Variants in PGM5 observed in about 807,000 individuals in gnomAD.
PGM5 encodes phosphoglucomutase 5.
A neutral mutation model predicts 59.2 loss-of-function variants in PGM5; 23 were observed. The ratio of observed to expected loss-of-function variants is 0.39; its 90% confidence interval spans 0.28 to 0.55. The LOEUF is 0.55. Ranked by LOEUF, PGM5 falls within the 20% of genes least tolerant of loss-of-function variation. The pLI is 0.66. For missense variants in PGM5, 574 were observed against 748.3 expected, an observed-to-expected ratio of 0.77 and a Z score of 2.72; for synonymous variants, 214 against 286.0, an observed-to-expected ratio of 0.75 and a Z score of 2.54.
intron 6 of PGM5, among the ~76,000 whole-genome samples, chr9:68,449,882 A>G (rs1823668589): frequency 6.6e-6 from 1 of 152,206 alleles, no homozygotes; most frequent in African/African-American, 2.4e-5. Flanking sequence ...CCAGTCTGTC[A>G]GATTTTAAAT....
chr9:68,365,540 A>G (rs1554676604), intron 1 of PGM5, among the ~76,000 whole-genome samples: 1 of 152,204 alleles, frequency 6.6e-6, no homozygotes, highest in Non-Finnish European at 1.5e-5. Context: ...ATTTTTAGTA[A>G]CATCAACTTT....
chr9:68,451,587 A>C (rs1480399004), intron 6 of PGM5, among the ~76,000 whole-genome samples: 1 of 152,210 alleles, frequency 6.6e-6, no homozygotes, highest in Non-Finnish European at 1.5e-5. Context: ...GTTTACCACC[A>C]CCGAATGCTT....
intron 10 of PGM5, among the ~76,000 whole-genome samples, chr9:68,500,030 G>A (rs1824545881): frequency 6.6e-6 from 1 of 152,014 alleles, no homozygotes; most frequent in Admixed American, 6.6e-5. Context: ...TTTAATGTTG[G>A]GTACTTCAAG....
chr9:68,410,761 A>G (rs1418925078), intron 6 of PGM5, among the ~76,000 whole-genome samples: 3 of 152,212 alleles, frequency 2.0e-5, no homozygotes, highest in Non-Finnish European at 4.4e-5. Flanking sequence ...AAGATTGGGA[A>G]CAAGGTTTTT....
intron 10 of PGM5, among the ~76,000 whole-genome samples, chr9:68,503,439 T>G (rs1824609312): frequency 6.6e-6 from 1 of 152,350 alleles, no homozygotes; most frequent in South Asian, 2.1e-4. Flanking sequence ...AAAATCGGTG[T>G]ATGGGGACTC....
At chr9:68,488,714 CTGTT>C (rs1176877606) in intron 9 of PGM5, among the ~76,000 whole-genome samples, 1 of 152,140 alleles carries the variant, frequency 6.6e-6, no homozygotes, top group African/African-American at 2.4e-5. Flanking sequence ...AAGAGAGACT[CTGTT>C]TGATTTAGAA....
chr9:68,396,015 T>C (rs1347895230), intron 6 of PGM5: 2 of 152,146 alleles, frequency 1.3e-5, no homozygotes, highest in Non-Finnish European at 2.9e-5. Context: ...AATGGGACCA[T>C]TTCTAGAAAT....
chr9:68,477,391 CT>C (rs1387733332), intron 7 of PGM5, among the ~76,000 whole-genome samples: 4 of 152,172 alleles, frequency 2.6e-5, no homozygotes, highest in African/African-American at 9.7e-5. Flanking sequence ...TGGTCTGTAG[CT>C]TTAGTTAGAA....
chr9:68,488,271 T>A (rs1374964322), intron 9 of PGM5, among the ~76,000 whole-genome samples: 4 of 152,150 alleles, frequency 2.6e-5, no homozygotes, highest in African/African-American at 9.7e-5. Context: ...CACACTCTGC[T>A]TTAGAAAGCG....
intron 1 of PGM5, chr9:68,371,747 T>G (rs1821738776): frequency 6.6e-6 from 1 of 152,222 alleles, no homozygotes; most frequent in Non-Finnish European, 1.5e-5. Flanking sequence ...GTTATATTTC[T>G]TTTTATCAAT....
intron 1 of PGM5, among the ~76,000 whole-genome samples, chr9:68,361,502 G>T (rs2989665): frequency 6.6e-6 from 1 of 152,288 alleles, no homozygotes; most frequent in South Asian, 2.1e-4. Flanking sequence ...ATAAAGAACA[G>T]AAATTTATTT....
intron 9 of PGM5, among the ~76,000 whole-genome samples, chr9:68,492,882 G>T (rs1554687950): frequency 6.6e-6 from 1 of 152,104 alleles, no homozygotes; most frequent in African/African-American, 2.4e-5. Flanking sequence ...ACAAAATATG[G>T]TTCAGATGTT....
At chr9:68,434,700 G>T (rs1554683263) in intron 6 of PGM5, among the ~76,000 whole-genome samples, 1 of 152,006 alleles carries the variant, frequency 6.6e-6, no homozygotes, top group Non-Finnish European at 1.5e-5. Flanking sequence ...CAGCTACTCA[G>T]GAGGCTGAGG....
rs1834444102 is a variant in PGM5 at position 68,356,624 on chromosome 9, G to A, written c.-504G>A. ...TGTGTAGGCTGCGCACTCCCAGGGA[G>A]ACAGGGAGACGGGCCGGGCGCCGGA... On this transcript the variant is annotated 5_prime_UTR_variant, in exon 1 of 11. Transcript: ENST00000396396. Among the ~76,000 whole-genome samples, 1 of 152,410 alleles carries A rather than the reference G, an allele frequency of 6.6e-6. No homozygotes were observed. Among genetic ancestry groups the A allele is most frequent in the East Asian group, 1.9e-4 (1 of 5,194 alleles).
At chr9:68,425,601 G>A (rs781785088) in intron 6 of PGM5, among the ~76,000 whole-genome samples, 2 of 152,210 alleles carry the variant, frequency 1.3e-5, no homozygotes, top group African/African-American at 4.8e-5. Context: ...CTATTTTGGA[G>A]TTGAGATACC....
chr9:68,393,059 C>A (rs1822407143), intron 6 of PGM5, among the ~76,000 whole-genome samples: 1 of 151,780 alleles, frequency 6.6e-6, no homozygotes, highest in Non-Finnish European at 1.5e-5. Context: ...TCTAACTAAC[C>A]CTATTAGGTT....
At position 68,529,805 on chromosome 9, in the gene PGM5, G is replaced by GA. The variant is rs547357808; in HGVS notation, c.*157dup. 930 of 534,726 alleles carry GA rather than the reference G, an allele frequency of 1.7e-3. 4 individuals are homozygous for GA. The highest frequency in any genetic ancestry group is 4.7e-3 in the South Asian group (192 of 40,458). The allele number at this position is 534,726 out of a possible 1,614,324, so 33.1% of individuals were successfully genotyped here. ...GGGGGATAGAGGGTGGGTGGGAAAAGAAAAAAAATCCATTTGGTTTTGGTT... is the reference window on the plus strand; with the variant it reads ...GGGGGATAGAGGGTGGGTGGGAAAAGAAAAAAAAATCCATTTGGTTTTGGTT... On this transcript the variant is annotated 3_prime_UTR_variant, in exon 11 of 11. Coordinates refer to ENST00000396396, the MANE Select transcript of PGM5 (RefSeq NM_021965.4).
intron 1 of PGM5, among the ~76,000 whole-genome samples, chr9:68,375,949 A>G (rs1311625851): frequency 6.6e-6 from 1 of 152,216 alleles, no homozygotes; most frequent in South Asian, 2.1e-4. Flanking sequence ...CATGTTTGGT[A>G]TGTTTGAGGA....
At chr9:68,466,167 AT>A in intron 7 of PGM5, 1 of 1,299,368 alleles carries the variant, frequency 7.7e-7, no homozygotes, top group Non-Finnish European at 1.0e-6. Flanking sequence ...TTCAGTTTAG[AT>A]CGTCTCTATT....
Sources: allele counts gnomAD v4.1 joint callset (sites outside exome capture counted in the v4.1 genomes callset), GRCh38; gene constraint gnomAD v4.1.1; transcripts MANE v1.5; gene names NCBI Gene and HGNC (gene_info 2026-07-23, HGNC 2026-07-21).